The following CNTLN variants were observed in gnomAD, a reference collection of about 807,000 sequenced individuals.
CNTLN encodes centlein.
In CNTLN, 212 loss-of-function variants were observed where a neutral mutation model predicts 180.0. That is an observed-to-expected ratio of 1.18 (90% CI 1.05 to 1.32). The LOEUF is 1.32. Ranked by LOEUF, CNTLN falls within the 40% of genes most tolerant of loss-of-function variation. The pLI is 0.00. For missense variants in CNTLN, 2,095 were observed against 1,610.9 expected (o/e 1.30, Z -5.14); for synonymous variants, 722 against 563.1 (o/e 1.28, Z -3.99).
In CNTLN at chr9:17,401,198, T is replaced by C. The variant is rs148301663; in HGVS notation, c.2615+6129T>C. Among the ~76,000 whole-genome samples the C allele has an allele frequency of 1.4e-3, 216 of 152,328 alleles. 1 individual carries two copies. The highest frequency in any genetic ancestry group is 4.3e-3 in the African/African-American group (177 of 41,574). On this transcript the variant is annotated intron_variant, in intron 15 of 25. Transcript: ENST00000380647. ...TAGTTAGTCTCTTGACACAGTATCT[T>C]AGGATAAAGTAGTAGAGTTCCTTTC...
At chr9:17,238,957 G>A (rs1369493017) in intron 5 of CNTLN, among the ~76,000 whole-genome samples, 2 of 152,150 alleles carry the variant, frequency 1.3e-5, no homozygotes, top group African/African-American at 4.8e-5. Flanking sequence ...ATTTTTCGAT[G>A]TTCACATCAA....
At position 17,170,842 on chromosome 9, in the gene CNTLN, A is replaced by T. The variant is rs1471253592; in HGVS notation, c.449+27466A>T. On this transcript the variant is annotated intron_variant, in intron 2 of 25. Coordinates refer to ENST00000380647, the MANE Select transcript of CNTLN (RefSeq NM_017738.4). ...CTGATGGTAGTCCCATAAGATTATA[A>T]TACCGTATTTTTACTGTACTTTTTC... Among the ~76,000 whole-genome samples the T allele has an allele frequency of 1.2e-4, 18 of 152,136 alleles. No homozygotes were observed. In the East Asian group the frequency reaches 3.5e-3, roughly 29 times the overall value.
chr9:17,344,057 A>G (rs1005162714), intron 12 of CNTLN, among the ~76,000 whole-genome samples: 5 of 152,232 alleles, frequency 3.3e-5, no homozygotes, highest in African/African-American at 1.2e-4. Flanking sequence ...TCTAAAAAAG[A>G]AAGTAATTTT....
chr9:17,495,053 T>A (rs758097730), intron 25 of CNTLN: 2 of 384,346 alleles, frequency 5.2e-6, no homozygotes, highest in South Asian at 3.8e-5. Flanking sequence ...TAATTTTTTT[T>A]ATCTTTTGCA....
At chr9:17,306,424 C>T (rs868102730) in intron 7 of CNTLN, among the ~76,000 whole-genome samples, 2 of 152,158 alleles carry the variant, frequency 1.3e-5, no homozygotes, top group African/African-American at 2.4e-5. Flanking sequence ...GCTGGGATTA[C>T]GGATGTGAGC....
At chr9:17,190,505 AAT>A (rs1821727576) in intron 2 of CNTLN, among the ~76,000 whole-genome samples, 1 of 152,044 alleles carries the variant, frequency 6.6e-6, no homozygotes, top group African/African-American at 2.4e-5. Flanking sequence ...TTTTCATTTA[AAT>A]TACCAGATAT....
At chr9:17,490,188 C>T (rs1176806451) in intron 25 of CNTLN, among the ~76,000 whole-genome samples, 1 of 151,888 alleles carries the variant, frequency 6.6e-6, no homozygotes, top group African/African-American at 2.4e-5. Flanking sequence ...TGCTGAAGGC[C>T]AACATTGTAG....
intron 5 of CNTLN, among the ~76,000 whole-genome samples, chr9:17,260,956 T>A (rs1424838122): frequency 6.6e-6 from 1 of 151,460 alleles, no homozygotes; most frequent in Admixed American, 6.6e-5. Flanking sequence ...CATGTTTTTG[T>A]CAGCTTTGTT....
intron 8 of CNTLN, among the ~76,000 whole-genome samples, chr9:17,323,899 A>G (rs1205598346): frequency 6.6e-6 from 1 of 152,230 alleles, no homozygotes; most frequent in African/African-American, 2.4e-5. Context: ...TGATAATGCA[A>G]TCAGGAATTG....
chr9:17,261,881 A>G (rs774691266), intron 5 of CNTLN, among the ~76,000 whole-genome samples: 2 of 151,664 alleles, frequency 1.3e-5, no homozygotes, highest in South Asian at 2.1e-4. Context: ...CAAATTTACA[A>G]GTAAAAAACA....
chr9:17,258,148 T>A (rs1168783324), intron 5 of CNTLN, among the ~76,000 whole-genome samples: 1 of 147,042 alleles, frequency 6.8e-6, no homozygotes, highest in Non-Finnish European at 1.5e-5. Flanking sequence ...TTGAATTGAT[T>A]TTTGTATAAG....
At chr9:17,150,578 T>C (rs1373176729) in intron 2 of CNTLN, among the ~76,000 whole-genome samples, 1 of 152,218 alleles carries the variant, frequency 6.6e-6, no homozygotes, top group Non-Finnish European at 1.5e-5. Context: ...TGAAGTCAGG[T>C]AGCATGATGC....
chr9:17,406,405 G>A (rs1827394178), intron 15 of CNTLN, among the ~76,000 whole-genome samples: 1 of 151,696 alleles, frequency 6.6e-6, no homozygotes, highest in Non-Finnish European at 1.5e-5. Flanking sequence ...ACTGTTGCTC[G>A]CTGAAAGCAG....
chr9:17,265,781 C>T (rs1361643707), intron 5 of CNTLN, among the ~76,000 whole-genome samples: 3 of 152,020 alleles, frequency 2.0e-5, no homozygotes, highest in Admixed American at 6.6e-5. Context: ...GTGTATGTGT[C>T]GAGGAATTTA....
intron 2 of CNTLN, among the ~76,000 whole-genome samples, chr9:17,164,455 A>ATTTTTT (rs1586971182): frequency 1.1e-5 from 1 of 88,210 alleles, no homozygotes; most frequent in Admixed American, 1.2e-4. Context: ...CCTTATTTTT[A>ATTTTTT]TGTTTTTTTT....
chr9:17,443,086 T>A (rs1479409046), intron 18 of CNTLN, among the ~76,000 whole-genome samples: 1 of 151,766 alleles, frequency 6.6e-6, no homozygotes. Flanking sequence ...GTTAGATGCA[T>A]TCTTTTTGAA....
the CNTLN span, among the ~76,000 whole-genome samples, chr9:17,522,247 C>T: frequency 1.3e-4 from 20 of 152,266 alleles, no homozygotes; most frequent in African/African-American, 4.6e-4. Context: ...TGCCTTCCCT[C>T]CATCCATACA....
At position 17,465,847 on chromosome 9, in the gene CNTLN, A is replaced by G. The variant is rs796659763; in HGVS notation, c.3532-134A>G. ...ATAATATGAGTTCTGTAAGTATAATACTTGAATTTGATAGCGTTATGAGAA... is the reference window on the plus strand; with the variant it reads ...ATAATATGAGTTCTGTAAGTATAATGCTTGAATTTGATAGCGTTATGAGAA... On this transcript the variant is annotated intron_variant, in intron 21 of 25. Coordinates refer to ENST00000380647, the MANE Select transcript of CNTLN (RefSeq NM_017738.4). 5.7e-5 allele frequency: 38 copies of G among 672,356 alleles called. No individual in the cohort carries two copies. In the African/African-American group the frequency reaches 6.4e-4, roughly 11 times the overall value. 41.6% of individuals were successfully genotyped at this position (672,356 alleles called of 1,614,324 possible). A position where few individuals can be genotyped will look rare whatever the true frequency, so the allele number is the denominator to read the frequency against.
intron 2 of CNTLN, among the ~76,000 whole-genome samples, chr9:17,159,661 AC>A (rs1182865930): frequency 6.6e-6 from 1 of 152,044 alleles, no homozygotes; most frequent in African/African-American, 2.4e-5. Flanking sequence ...CGGGAAGAAA[AC>A]CCTCCAACTG....
Sources: gnomAD v4.1 joint callset for allele counts (sites outside exome capture counted in the v4.1 genomes callset) on GRCh38, gnomAD v4.1.1 for gene constraint, MANE v1.5 for transcripts, NCBI Gene and HGNC (gene_info 2026-07-23, HGNC 2026-07-21) for gene names.